The following APBA1 variants were observed in gnomAD, a reference collection of about 807,000 sequenced individuals.
The protein encoded by APBA1 is amyloid beta precursor protein binding family A member 1.
A neutral mutation model predicts 86.6 loss-of-function variants in APBA1; 55 were observed. The observed-to-expected ratio is 0.64, with a 90% CI of 0.51 to 0.80. The LOEUF (loss-of-function observed/expected upper bound fraction) is 0.80, where lower values mean the gene tolerates loss of function less well. Among genes scored for constraint, APBA1 ranks in the 30% least tolerant of loss-of-function variants. The pLI is 0.00. For missense variants in APBA1, 1,090 were observed against 1,183.0 expected (o/e 0.92, Z 1.15); for synonymous variants, 511 against 493.9 (o/e 1.03, Z -0.46).
At chr9:69,655,152 A>C (rs2134019524) in intron 1 of APBA1, among the ~76,000 whole-genome samples, 1 of 152,336 alleles carries the variant, frequency 6.6e-6, no homozygotes, top group South Asian at 2.1e-4. Flanking sequence ...ATCTGGAAAA[A>C]TATAAGAAAG....
Position 69,609,792 on chromosome 9 carries a change from T to TTTGTTG in APBA1, c.-70+62355_-70+62360dup, listed in dbSNP as rs562650274. Among the ~76,000 whole-genome samples the TTTGTTG allele has an allele frequency of 3.4e-3, 510 of 151,886 alleles. 1 individual carries two copies. Among genetic ancestry groups the TTTGTTG allele is most frequent in the Non-Finnish European group, 5.5e-3 (375 of 67,902 alleles). On this transcript the variant is annotated intron_variant, in intron 1 of 12. Transcript: ENST00000265381. ...TCTTGGTCTCCTTCCCTTTGGTGAG[T>TTTGTTG]TTGTTGTTGTTGTTGTTGTTGTTTG...
chr9:69,646,164 G>A (rs1823386538), intron 1 of APBA1, among the ~76,000 whole-genome samples: 1 of 151,924 alleles, frequency 6.6e-6, no homozygotes, highest in Non-Finnish European at 1.5e-5. Flanking sequence ...TTTTTATAGA[G>A]GCAGGCTACA....
intron 1 of APBA1, among the ~76,000 whole-genome samples, chr9:69,559,016 C>A (rs1836908043): frequency 6.6e-6 from 1 of 152,160 alleles, no homozygotes; most frequent in Non-Finnish European, 1.5e-5. Context: ...TTTTAACCCC[C>A]ACTCCTCAAA....
chr9:69,431,253 C>T lies in APBA1; in HGVS notation c.*74G>A. 8.2e-7 allele frequency: 1 copy of T among 1,225,614 alleles called. No individual in the cohort carries two copies. The highest frequency in any genetic ancestry group is 2.5e-5 in the Admixed American group (1 of 40,064). 75.9% of individuals were successfully genotyped at this position (1,225,614 alleles called of 1,614,324 possible). On this transcript the variant is annotated 3_prime_UTR_variant, in exon 13 of 13. Coordinates refer to ENST00000265381, the MANE Select transcript of APBA1 (RefSeq NM_001163.4). ...CGCGAGAGGGGAAAGTCTCAGTGGA[C>T]ACAGGGATGCAGCACGAGAAACACA...
At chr9:69,571,012 G>A (rs556374187) in intron 1 of APBA1, among the ~76,000 whole-genome samples, 3 of 152,180 alleles carry the variant, frequency 2.0e-5, no homozygotes, top group South Asian at 2.1e-4. Flanking sequence ...TCTCAGATAG[G>A]CGTGGATGGT....
Position 69,431,341 on chromosome 9 carries a change from G to T in APBA1, c.2500C>A (p.Pro834Thr). 1 of 1,611,912 alleles carries T rather than the reference G, an allele frequency of 6.2e-7. No homozygotes were observed. Among genetic ancestry groups the T allele is most frequent in the Non-Finnish European group, 8.5e-7 (1 of 1,179,078 alleles). Reference protein sequence around the residue: ...MYRLLTAQEQPVYI With the variant: ...MYRLLTAQEQTVYI ...TGTGGCCGCGGTCAGATGTAAACAG[G>T]CTGCTCCTGGGCCGTCAGCAGCCTG... Residue 834 changes from proline (P) to threonine (T), a missense_variant, in exon 13 of 13, where the codon CCT becomes ACT. Physicochemically the swap from Pro to Thr is conservative, Grantham distance 38 (BLOSUM62 -1). This residue lies in a region of APBA1 where 17 missense variants were observed against 30.3 expected (regional missense o/e 0.56). Transcript: ENST00000265381.
rs763670286 is a variant in APBA1 at position 69,440,971 on chromosome 9, AGGG to A, written c.2301+22_2301+24del. The A allele has an allele frequency of 6.9e-6, 11 of 1,604,810 alleles. No homozygotes were observed. In the South Asian group the frequency reaches 1.2e-4, roughly 18 times the overall value. On this transcript the variant is annotated intron_variant, in intron 11 of 12. Transcript: ENST00000265381. Reference sequence around the variant, plus strand: ...TTTTTATTTGTCAACATTGTGGAAAAGGGTGTGGAAGGTGTTCTACTTACAATT... The same window carrying A: ...TTTTTATTTGTCAACATTGTGGAAAATGTGGAAGGTGTTCTACTTACAATT...
chr9:69,531,888 C>T (rs1040046658), intron 1 of APBA1, among the ~76,000 whole-genome samples: 23 of 152,210 alleles, frequency 1.5e-4, no homozygotes, highest in African/African-American at 5.1e-4. Context: ...TCAGTTCCAG[C>T]ACTCACTGGC....
chr9:69,540,887 G>A (rs1708692718), intron 1 of APBA1, among the ~76,000 whole-genome samples: 11 of 152,196 alleles, frequency 7.2e-5, no homozygotes, highest in Admixed American at 6.5e-4. Context: ...TTACAAGCAT[G>A]AGCCACCACG....
At chr9:69,617,215 A>G (rs1822718140) in intron 1 of APBA1, among the ~76,000 whole-genome samples, 2 of 152,142 alleles carry the variant, frequency 1.3e-5, no homozygotes, top group Admixed American at 1.3e-4. Flanking sequence ...CACTTCCCTG[A>G]ATATGCACAT....
intron 1 of APBA1, among the ~76,000 whole-genome samples, chr9:69,604,926 A>C (rs1438627250): frequency 6.6e-6 from 1 of 152,166 alleles, no homozygotes; most frequent in Non-Finnish European, 1.5e-5. Flanking sequence ...GCACACATGC[A>C]CACACGTGAG....
In APBA1 at chr9:69,468,018, C is replaced by A. The variant is rs369340399; in HGVS notation, c.1337-50G>T. 205 of 1,593,628 alleles carry A rather than the reference C, an allele frequency of 1.3e-4. 1 individual carries two copies. Among genetic ancestry groups the A allele is most frequent in the Non-Finnish European group, 8.5e-5 (99 of 1,167,692 alleles). ...GGAAGCCATCCTGGGGTGGGGCCTG[C>A]CAACCCCCTCAATGGCACATCTCCC... On this transcript the variant is annotated intron_variant, in intron 4 of 12. Transcript: ENST00000265381.
intron 1 of APBA1, among the ~76,000 whole-genome samples, chr9:69,530,188 A>C (rs180902105): frequency 6.6e-6 from 1 of 152,150 alleles, no homozygotes; most frequent in Non-Finnish European, 1.5e-5. Flanking sequence ...TCATTATCAT[A>C]TTAAAAAGAC....
chr9:69,609,266 T>TGAAG (rs1357012593), intron 1 of APBA1, among the ~76,000 whole-genome samples: 2 of 152,056 alleles, frequency 1.3e-5, no homozygotes, highest in Non-Finnish European at 2.9e-5. Context: ...GGGGAGGACA[T>TGAAG]GAAGGGAGGG....
chr9:69,448,061 G>A (rs552706895), intron 10 of APBA1, among the ~76,000 whole-genome samples: 13 of 151,120 alleles, frequency 8.6e-5, no homozygotes, highest in African/African-American at 2.2e-4. Context: ...CAGACCAGCC[G>A]TTCCGGGCCA....
At chr9:69,493,012 G>A (rs1001651140) in intron 2 of APBA1, among the ~76,000 whole-genome samples, 1 of 152,050 alleles carries the variant, frequency 6.6e-6, no homozygotes, top group Non-Finnish European at 1.5e-5. Flanking sequence ...CAGGTGTTGG[G>A]TTTTTATTCT....
At position 69,517,162 on chromosome 9, in the gene APBA1, C is replaced by G. The variant is rs1050606584; in HGVS notation, c.49G>C (p.Ala17Pro). Residue 17 changes from alanine to proline, a missense_variant, in exon 2 of 13, where the codon GCA becomes CCA. By Grantham distance (27) the Ala-to-Pro change is conservative (BLOSUM62 -1). Around this residue, in one of 6 missense-constraint regions of APBA1, gnomAD observed 678 missense variants for 647.1 expected, o/e 1.05. Transcript: ENST00000265381. The part of the protein sequence containing the change: ...SAEVEVTDEA[A>P]GGEVNESVEA... The stretch of plus-strand genomic sequence containing the variant: ...ACCGACTCGTTCACCTCCCCACCTG[C>G]CGCCTCGTCGGTCACCTCCACCTCC... The G allele has an allele frequency of 1.9e-6, 3 of 1,556,836 alleles. No homozygotes were observed. The highest frequency in any genetic ancestry group is 8.7e-7 in the Non-Finnish European group (1 of 1,152,390).
intron 1 of APBA1, among the ~76,000 whole-genome samples, chr9:69,584,820 G>C (rs981756991): frequency 1.3e-5 from 2 of 152,130 alleles, no homozygotes; most frequent in Admixed American, 1.3e-4. Flanking sequence ...ATTACTCTTA[G>C]AGTAACTAAC....
chr9:69,671,318 C>T (rs1823944208), intron 1 of APBA1, among the ~76,000 whole-genome samples: 1 of 152,052 alleles, frequency 6.6e-6, no homozygotes, highest in African/African-American at 2.4e-5. Context: ...GATGGAAGGC[C>T]CCTTCAAAAC....
Sources: gnomAD v4.1 joint callset for allele counts (sites outside exome capture counted in the v4.1 genomes callset) on GRCh38, gnomAD v4.1.1 for gene constraint, gnomAD v4.1.1 regional missense constraint, MANE v1.5 for transcripts, NCBI Gene and HGNC (gene_info 2026-07-23, HGNC 2026-07-21) for gene names.